The following DPH6 variants were observed in gnomAD, a reference collection of about 807,000 sequenced individuals.
DPH6 encodes diphthamine biosynthesis 6, also known as diphthine--ammonia ligase.
DPH6 carries 33 observed loss-of-function variants against 38.2 expected under a neutral mutation model. The observed-to-expected ratio is 0.86, with a 90% confidence interval of 0.65 to 1.15. The LOEUF (loss-of-function observed/expected upper bound fraction) is 1.15. DPH6 is among the 50% of genes most tolerant of loss of function. The pLI is 0.00. For missense variants in DPH6, 325 were observed against 320.0 expected (o/e 1.02, Z -0.12); for synonymous variants, 108 against 103.0 (o/e 1.05, Z -0.30).
At chr15:35,535,735 C>T (rs573179887) in intron 3 of DPH6, among the ~76,000 whole-genome samples, 4 of 152,168 alleles carry the variant, frequency 2.6e-5, no homozygotes, top group African/African-American at 4.8e-5. Flanking sequence ...AAAAATCTTT[C>T]GCAAACAGCT....
At chr15:35,441,657 C>A (rs2053789654) in intron 5 of DPH6, among the ~76,000 whole-genome samples, 1 of 152,042 alleles carries the variant, frequency 6.6e-6, no homozygotes, top group African/African-American at 2.4e-5. Flanking sequence ...CCAGGCCCTG[C>A]TGGCGGGTGG....
chr15:35,157,837 A>G, the DPH6 span, among the ~76,000 whole-genome samples: 5 of 152,080 alleles, frequency 3.3e-5, no homozygotes, highest in Non-Finnish European at 7.4e-5. Flanking sequence ...TTAAACTAAG[A>G]GCCTAGAGAA....
chr15:35,166,769 T>C, the DPH6 span, among the ~76,000 whole-genome samples: 1 of 152,002 alleles, frequency 6.6e-6, no homozygotes, highest in East Asian at 1.9e-4. Context: ...AAATGTCAAA[T>C]GCAGAATTCT....
At chr15:35,219,795 A>C (rs2051431003) in exon 4 of DPH6, 1 of 152,250 alleles carries the variant, frequency 6.6e-6, no homozygotes, top group African/African-American at 2.4e-5. Context: ...TGCACTGCTC[A>C]GATTCTTCTG....
chr15:35,261,811 C>T (rs550278218), intron 3 of DPH6, among the ~76,000 whole-genome samples: 2 of 145,660 alleles, frequency 1.4e-5, no homozygotes, highest in Admixed American at 7.0e-5. Flanking sequence ...CCAGCCTGGG[C>T]AACAGAGCAA....
the DPH6 span, among the ~76,000 whole-genome samples, chr15:35,195,818 T>C: frequency 6.6e-6 from 1 of 152,062 alleles, no homozygotes; most frequent in Non-Finnish European, 1.5e-5. Flanking sequence ...CCTAAAGCCC[T>C]ACCTCCTGGG....
the DPH6 span, among the ~76,000 whole-genome samples, chr15:35,178,506 A>G: frequency 6.6e-6 from 1 of 152,190 alleles, no homozygotes; most frequent in African/African-American, 2.4e-5. Context: ...ACCCGCCCCC[A>G]TGATTCAATT....
At chr15:35,194,656 T>TA in the DPH6 span, among the ~76,000 whole-genome samples, 598 of 152,380 alleles carry the variant, frequency 3.9e-3, 1 homozygote, top group Non-Finnish European at 6.1e-3. Context: ...TACAGGATTT[T>TA]AAAATCTATT....
chr15:35,509,691 A>C (rs908189021), intron 3 of DPH6, among the ~76,000 whole-genome samples: 1 of 152,238 alleles, frequency 6.6e-6, no homozygotes, highest in Non-Finnish European at 1.5e-5. Flanking sequence ...ATTTAAAATA[A>C]TGTTTGAAAA....
chr15:35,268,025 C>G (rs956276878), intron 3 of DPH6, among the ~76,000 whole-genome samples: 1 of 151,882 alleles, frequency 6.6e-6, no homozygotes, highest in African/African-American at 2.4e-5. Context: ...AAAATATTAG[C>G]CGGGCGTGGT....
At chr15:35,196,535 C>A in the DPH6 span, among the ~76,000 whole-genome samples, 2 of 152,046 alleles carry the variant, frequency 1.3e-5, no homozygotes, top group Non-Finnish European at 2.9e-5. Context: ...GCGTAAGGTA[C>A]GAGTGCAAAC....
intron 3 of DPH6, among the ~76,000 whole-genome samples, chr15:35,499,790 C>A (rs969077597): frequency 6.6e-6 from 1 of 152,178 alleles, no homozygotes; most frequent in African/African-American, 2.4e-5. Context: ...GTTTGGCAGG[C>A]CTGCCAGTTG....
At chr15:35,530,263 A>G (rs1370857279) in intron 3 of DPH6, among the ~76,000 whole-genome samples, 3 of 152,142 alleles carry the variant, frequency 2.0e-5, no homozygotes, top group Non-Finnish European at 2.9e-5. Flanking sequence ...AGAAGGAGAC[A>G]TCTACAAAAG....
At chr15:35,237,406 T>C (rs1339355371) in intron 3 of DPH6, 2 of 1,604,888 alleles carry the variant, frequency 1.2e-6, no homozygotes, top group African/African-American at 2.7e-5. Flanking sequence ...TGGACAACAG[T>C]CGGTCGAATG....
intron 5 of DPH6, among the ~76,000 whole-genome samples, chr15:35,445,590 T>C (rs1717340196): frequency 6.6e-6 from 1 of 152,098 alleles, no homozygotes; most frequent in Non-Finnish European, 1.5e-5. Context: ...GAGAAAGGTA[T>C]GTCATGCATG....
At chr15:35,224,107 T>G (rs901594006) in intron 3 of DPH6, among the ~76,000 whole-genome samples, 1 of 129,878 alleles carries the variant, frequency 7.7e-6, no homozygotes, top group East Asian at 2.0e-4. Context: ...TTAGTTTTTT[T>G]TTTTTTTTTT....
the DPH6 span, among the ~76,000 whole-genome samples, chr15:35,174,791 C>A: frequency 6.6e-6 from 1 of 152,100 alleles, no homozygotes; most frequent in East Asian, 1.9e-4. Flanking sequence ...AATTTAGGAG[C>A]TAATTACTTT....
intron 3 of DPH6, chr15:35,237,233 C>T (rs981777118): frequency 1.4e-4 from 158 of 1,104,892 alleles, no homozygotes; most frequent in Admixed American, 2.2e-4. Flanking sequence ...GAGAACTGAG[C>T]GGAGCTGGTT....
intron 3 of DPH6, among the ~76,000 whole-genome samples, chr15:35,322,005 G>C (rs2052244512): frequency 6.6e-6 from 1 of 152,112 alleles, no homozygotes; most frequent in Admixed American, 6.6e-5. Context: ...TTGCTGATTG[G>C]CTGGGGAAGA....
Sources: gnomAD v4.1 joint callset for allele counts (sites outside exome capture counted in the v4.1 genomes callset) on GRCh38, gnomAD v4.1.1 for gene constraint, MANE v1.5 for transcripts, NCBI Gene and HGNC (gene_info 2026-07-23, HGNC 2026-07-21) for gene names.